DMXL1: variants seen among roughly 807,000 people sequenced by gnomAD.
DMXL1 encodes the protein dmX-like protein 1.
A neutral mutation model predicts 319.2 loss-of-function variants in DMXL1; 99 were observed. The observed-to-expected ratio is 0.31, with a 90% CI of 0.26 to 0.37. The LOEUF is 0.37. DMXL1 is among the 10% of genes least tolerant of loss of function. DMXL1 has a pLI of 1.00. For missense variants in DMXL1, 3,745 were observed against 3,595.6 expected (o/e 1.04, Z -1.06); for synonymous variants, 1,385 against 1,235.2 (o/e 1.12, Z -2.54).
intron 9 of DMXL1, among the ~76,000 whole-genome samples, chr5:119,124,340 A>G (rs1172312397): frequency 6.6e-6 from 1 of 151,644 alleles, no homozygotes; most frequent in Non-Finnish European, 1.5e-5. Flanking sequence ...AAAAAGTAAG[A>G]AAGACCAAGG....
At chr5:119,139,253 A>G (rs764734742) in intron 13 of DMXL1, among the ~76,000 whole-genome samples, 2 of 151,948 alleles carry the variant, frequency 1.3e-5, no homozygotes, top group Non-Finnish European at 2.9e-5. Context: ...TAACAACATA[A>G]TAACACAATC....
chr5:119,133,314 G>A lies in DMXL1; in HGVS notation c.1498G>A (p.Asp500Asn). 1 of 1,614,034 alleles carries A rather than the reference G, an allele frequency of 6.2e-7. No individual in the cohort carries two copies. The highest frequency in any genetic ancestry group is 8.5e-7 in the Non-Finnish European group (1 of 1,179,992). The stretch of plus-strand genomic sequence containing the variant: ...TATGCTATTTAGTATTCATCCCATG[G>A]ATGGTTCTTTGCTAGTTTGGCATGT... ...ADMLFSIHPM[D>N]GSLLVWHVDW... Residue 500 changes from aspartate to asparagine, a missense_variant, in exon 11 of 44, where the codon GAT becomes AAT. Coordinates refer to ENST00000539542, the MANE Select transcript of DMXL1 (RefSeq NM_001290321.3).
intron 34 of DMXL1, among the ~76,000 whole-genome samples, chr5:119,208,106 C>T (rs890123452): frequency 5.3e-5 from 8 of 151,520 alleles, no homozygotes; most frequent in East Asian, 1.9e-4. Flanking sequence ...TATCTAGTGG[C>T]CTTTGGGGGT....
At chr5:119,110,105 A>G (rs1019989191) in intron 4 of DMXL1, 46 bp from the exon 5 acceptor site, 4 of 1,478,504 alleles carry the variant, frequency 2.7e-6, no homozygotes, top group Admixed American at 2.4e-5. Context: ...AAATTAAGTC[A>G]CTATTAAATA....
intron 1 of DMXL1, among the ~76,000 whole-genome samples, chr5:119,082,927 T>G (rs1752557708): frequency 6.6e-6 from 1 of 152,232 alleles, no homozygotes; most frequent in South Asian, 2.1e-4. Context: ...TCCACTTTTG[T>G]AGCTCCCACA....
intron 28 of DMXL1, among the ~76,000 whole-genome samples, chr5:119,185,052 A>T (rs1777463162): frequency 6.6e-6 from 1 of 152,110 alleles, no homozygotes; most frequent in African/African-American, 2.4e-5. Context: ...ATCGATCCAG[A>T]TGTTAAACAT....
At chr5:119,107,032 A>G (rs1758501635) in intron 4 of DMXL1, among the ~76,000 whole-genome samples, 1 of 152,192 alleles carries the variant, frequency 6.6e-6, no homozygotes, top group South Asian at 2.1e-4. Flanking sequence ...ATTTGAATCT[A>G]GAACATAAAA....
At chr5:119,081,679 T>G in intron 1 of DMXL1, 1 of 985,336 alleles carries the variant, frequency 1.0e-6, no homozygotes, top group Non-Finnish European at 1.2e-6. Context: ...AACTTAGACT[T>G]TACCAATTTT....
At chr5:119,239,925 C>G (rs1315139380) in intron 41 of DMXL1, among the ~76,000 whole-genome samples, 1 of 149,278 alleles carries the variant, frequency 6.7e-6, no homozygotes, top group East Asian at 2.0e-4. Context: ...CCATTGCACT[C>G]CAGCCTAGGC....
At chr5:119,232,422 AT>A (rs1338184422) in intron 38 of DMXL1, among the ~76,000 whole-genome samples, 5 of 151,868 alleles carry the variant, frequency 3.3e-5, no homozygotes, top group Admixed American at 2.0e-4. Flanking sequence ...ATATAAATGT[AT>A]TTTTTTTACT....
intron 7 of DMXL1, among the ~76,000 whole-genome samples, chr5:119,117,881 A>G (rs1761185669): frequency 6.6e-6 from 1 of 152,200 alleles, no homozygotes; most frequent in African/African-American, 2.4e-5. Context: ...TTGATTTCTC[A>G]TTTACTTTAA....
Position 119,121,040 on chromosome 5 carries a change from C to T in DMXL1, c.1003C>T (p.Pro335Ser). The T allele has an allele frequency of 1.2e-6, 2 of 1,613,774 alleles. No individual in the cohort carries two copies. Among genetic ancestry groups the T allele is most frequent in the East Asian group, 2.2e-5 (1 of 44,864 alleles). Reference sequence around the variant, plus strand: ...TCTTGTAGCACATACGGGATATCTACCACATCAGCAGGATCCTCATCATGT... The same window carrying T: ...TCTTGTAGCACATACGGGATATCTATCACATCAGCAGGATCCTCATCATGT... The part of the protein sequence containing the change: ...LALVAHTGYL[P>S]HQQDPHHVHR... The change falls in exon 9 of 44, where the codon CCA becomes TCA. Residue 335 changes from proline (P) to serine (S), a missense_variant. By Grantham distance (74) the Pro-to-Ser change is moderately conservative. Around this residue, in one of 4 missense-constraint regions of DMXL1, gnomAD observed 2,096 missense variants for 1,985.4 expected, o/e 1.06. Coordinates refer to ENST00000539542, the MANE Select transcript of DMXL1 (RefSeq NM_001290321.3).
intron 28 of DMXL1, among the ~76,000 whole-genome samples, chr5:119,185,039 A>G (rs746448740): frequency 6.6e-6 from 1 of 152,098 alleles, no homozygotes; most frequent in African/African-American, 2.4e-5. Flanking sequence ...GATGTCTACT[A>G]CTATCGATCC....
intron 31 of DMXL1, 145 bp from the exon 32 acceptor site, chr5:119,197,610 C>G (rs1779872728): frequency 1.3e-6 from 1 of 741,824 alleles, no homozygotes; most frequent in African/African-American, 1.8e-5. Flanking sequence ...TGCACATCTT[C>G]CCTGCCAAAG....
intron 28 of DMXL1, among the ~76,000 whole-genome samples, chr5:119,182,437 T>G: frequency 6.6e-6 from 1 of 152,196 alleles, no homozygotes; most frequent in Non-Finnish European, 1.5e-5. Flanking sequence ...TTTCTAAAAG[T>G]GTTCCATAAG....
At position 119,194,997 on chromosome 5, in the gene DMXL1, A is replaced by G. The variant is rs1779355558; in HGVS notation, c.7457+1027A>G. The stretch of plus-strand genomic sequence containing the variant: ...TATGAAAAGATGCTCAATATCATTA[A>G]TCATTAGAGAAATGCAGATCAGTTT... On this transcript the variant is annotated intron_variant, in intron 30 of 43. Transcript: ENST00000539542. Among the ~76,000 whole-genome samples the G allele has an allele frequency of 3.9e-5, 6 of 152,302 alleles. No homozygotes were observed. In the South Asian group the frequency reaches 1.2e-3, roughly 32 times the overall value.
chr5:119,242,020 G>A lies in DMXL1; in HGVS notation c.8704+1549G>A, dbSNP rs554767964. Among the ~76,000 whole-genome samples, 4 of 152,182 alleles carry A rather than the reference G, an allele frequency of 2.6e-5. No homozygotes were observed. In the South Asian group the frequency reaches 6.2e-4, roughly 24 times the overall value. Reference sequence around the variant, plus strand: ...CTGTCGATGGCACCACTTACAATCTGTATTTGTGTGCGTATGTTTCAATAA... The same window carrying A: ...CTGTCGATGGCACCACTTACAATCTATATTTGTGTGCGTATGTTTCAATAA... On this transcript the variant is annotated intron_variant, in intron 42 of 43. Transcript: ENST00000539542.
rs1447361445 is a variant in DMXL1 at position 119,193,944 on chromosome 5, G to A, written c.7431G>A (p.Gln2477=). 5 of 1,608,182 alleles carry A rather than the reference G, an allele frequency of 3.1e-6. No homozygotes were observed. The highest frequency in any genetic ancestry group is 1.1e-5 in the South Asian group (1 of 90,198). The change falls in exon 30 of 44, where the codon CAG becomes CAA. Residue 2477 remains glutamine, a synonymous_variant. Coordinates refer to ENST00000539542, the MANE Select transcript of DMXL1 (RefSeq NM_001290321.3). ...DDVLASDFHL[Q]EHSNSNSYSW... ...TTTTAGCATCAGATTTCCATCTCCA[G>A]GAACATTCTAATTCAAATTCATATA...
chr5:119,110,779 G>A (rs1580755484), intron 5 of DMXL1, among the ~76,000 whole-genome samples: 1 of 152,274 alleles, frequency 6.6e-6, no homozygotes, highest in African/African-American at 2.4e-5. Context: ...TAATGCCACA[G>A]ATGATCAAGC....
Sources: allele counts gnomAD v4.1 joint callset (sites outside exome capture counted in the v4.1 genomes callset), GRCh38; gene constraint gnomAD v4.1.1; regional missense constraint gnomAD v4.1.1; transcripts MANE v1.5; gene names NCBI Gene and HGNC (gene_info 2026-07-23, HGNC 2026-07-21).